The following COL17A1 variants were observed in gnomAD, a reference collection of about 807,000 sequenced individuals.
COL17A1 encodes the protein collagen alpha-1(XVII) chain.
In COL17A1, 181 loss-of-function variants were observed where a neutral mutation model predicts 218.4. The observed-to-expected ratio is 0.83, with a 90% CI of 0.73 to 0.94. COL17A1 has a LOEUF of 0.94. Among genes scored for constraint, COL17A1 ranks in the 40% least tolerant of loss-of-function variants. The pLI, the probability that COL17A1 is intolerant of heterozygous loss-of-function variation, is 0.00. For missense variants in COL17A1, 1,924 were observed against 1,945.9 expected, an observed-to-expected ratio of 0.99 and a Z score of 0.21; for synonymous variants, 721 against 731.0, an observed-to-expected ratio of 0.99 and a Z score of 0.22.
In COL17A1 at chr10:104,039,293, C is replaced by T. The variant is rs1286524710; in HGVS notation, c.2896+152G>A. On this transcript the variant is annotated intron_variant, in intron 43 of 55. Coordinates refer to ENST00000648076, the MANE Select transcript of COL17A1 (RefSeq NM_000494.4). ...GAGGCTATATCACCATGTCCTTGTCCCTTCCACCCTCTGGCCTTTCCTTCC... is the reference window on the plus strand; with the variant it reads ...GAGGCTATATCACCATGTCCTTGTCTCTTCCACCCTCTGGCCTTTCCTTCC... 4 of 1,041,122 alleles carry T rather than the reference C, an allele frequency of 3.8e-6. No homozygotes were observed. The African/African-American group carries it at 4.7e-5, about 12-fold the overall frequency. 64.5% of individuals were successfully genotyped at this position (1,041,122 alleles called of 1,614,324 possible). A position where few individuals can be genotyped will look rare whatever the true frequency, so the allele number is the denominator to read the frequency against.
intron 48 of COL17A1, among the ~76,000 whole-genome samples, chr10:104,036,197 TGTATGGGAGTGTGA>T (rs2086296334): frequency 8.3e-6 from 1 of 120,794 alleles, no homozygotes. Context: ...AGTGTGTGTG[TGTATGGGAGTGTGA>T]GTATGGGTGT....
At chr10:104,057,919 T>G (rs1054409194) in intron 16 of COL17A1, among the ~76,000 whole-genome samples, 2 of 152,172 alleles carry the variant, frequency 1.3e-5, no homozygotes, top group African/African-American at 4.8e-5. Flanking sequence ...GGGGGGCCTG[T>G]TAGCTTCATC....
At chr10:104,043,759 A>G in intron 34 of COL17A1, 66 bp downstream of exon 34, 8 of 1,590,670 alleles carry the variant, frequency 5.0e-6, no homozygotes, top group Non-Finnish European at 6.9e-6. Context: ...AGAACGCTGC[A>G]GAGTCAAGGT....
At chr10:104,076,876 C>T (rs2086715574) in intron 4 of COL17A1, among the ~76,000 whole-genome samples, 2 of 152,100 alleles carry the variant, frequency 1.3e-5, no homozygotes. Flanking sequence ...CCTTGCTTTG[C>T]TTTGTTTTGT....
At chr10:104,064,314 T>C (rs2086607623) in intron 10 of COL17A1, 124 bp downstream of exon 10, 19 of 1,497,658 alleles carry the variant, frequency 1.3e-5, no homozygotes, top group African/African-American at 2.8e-5. Context: ...CCTGGGATGT[T>C]TGGCCACAGA....
intron 29 of COL17A1, 45 bp downstream of exon 29, chr10:104,049,364 C>G: frequency 6.3e-7 from 1 of 1,587,664 alleles, no homozygotes. Flanking sequence ...CGTGGTGACC[C>G]CTCAGATGGG....
intron 33 of COL17A1, 120 bp from the exon 34 acceptor site, chr10:104,043,980 C>A (rs2086386013): frequency 9.2e-7 from 1 of 1,083,430 alleles, no homozygotes; most frequent in Non-Finnish European, 1.4e-6. Flanking sequence ...CACCATCAGG[C>A]TAAAGGCATT....
At chr10:104,067,908 A>G (rs2086640467) in intron 9 of COL17A1, among the ~76,000 whole-genome samples, 1 of 152,226 alleles carries the variant, frequency 6.6e-6, no homozygotes, top group African/African-American at 2.4e-5. Flanking sequence ...GATCAAAGAC[A>G]CAGAAGGTGA....
chr10:104,050,887 G>C lies in COL17A1; in HGVS notation c.2053C>G (p.Gln685Glu). 1 of 1,614,138 alleles carries C rather than the reference G, an allele frequency of 6.2e-7. No individual in the cohort carries two copies. Among genetic ancestry groups the C allele is most frequent in the South Asian group, 1.1e-5 (1 of 91,084 alleles). The change falls in exon 26 of 56, where the codon CAA becomes GAA. Residue 685 changes from glutamine (Q) to glutamate (E), a missense_variant. By Grantham distance (29) the Gln-to-Glu change is conservative (BLOSUM62 2). Coordinates refer to ENST00000648076, the MANE Select transcript of COL17A1 (RefSeq NM_000494.4). ...AGTCCTACTTCACCTCGGAGCCCTTGGAGACCTACAGGACCTGCCCGGCAG... is the reference window on the plus strand; with the variant it reads ...AGTCCTACTTCACCTCGGAGCCCTTCGAGACCTACAGGACCTGCCCGGCAG... The part of the protein sequence containing the change: ...PQGPPGPVGL[Q>E]GLRGEVGLPG...
intron 9 of COL17A1, among the ~76,000 whole-genome samples, chr10:104,065,430 A>G (rs11191911): frequency 0.01 from 1,585 of 152,276 alleles, 18 homozygotes; most frequent in Non-Finnish European, 0.014. Context: ...GGGGACATGT[A>G]ATATGGAACA....
intron 10 of COL17A1, among the ~76,000 whole-genome samples, chr10:104,064,059 G>A (rs906852717): frequency 6.6e-6 from 1 of 152,232 alleles, no homozygotes; most frequent in Admixed American, 6.5e-5. Flanking sequence ...AGTGGACAGT[G>A]GGTCCAGCCA....
At position 104,042,463 on chromosome 10, in the gene COL17A1, C is replaced by T. The variant is rs369395710; in HGVS notation, c.2516-8G>A. On this transcript the variant is annotated splice_region_variant and splice_polypyrimidine_tract_variant and intron_variant, in intron 35 of 55. Transcript: ENST00000648076. ...CAGCTGGGCCGGCAGGGCCTGGAAACGGGGTTGAGGAAGAAAAGGCTAAAT... is the reference window on the plus strand; with the variant it reads ...CAGCTGGGCCGGCAGGGCCTGGAAATGGGGTTGAGGAAGAAAAGGCTAAAT... The T allele has an allele frequency of 2.4e-5, 39 of 1,613,934 alleles. No homozygotes were observed. Among genetic ancestry groups the T allele is most frequent in the African/African-American group, 1.6e-4 (12 of 74,882 alleles).
chr10:104,073,737 G>A (rs2086686402), intron 6 of COL17A1, among the ~76,000 whole-genome samples: 1 of 152,206 alleles, frequency 6.6e-6, no homozygotes, highest in Non-Finnish European at 1.5e-5. Context: ...TTAAGGCCAA[G>A]TGAAGACACA....
chr10:104,045,658 A>G (rs970991517), intron 33 of COL17A1, 100 bp downstream of exon 33: 5 of 1,029,356 alleles, frequency 4.9e-6, no homozygotes, highest in Non-Finnish European at 6.1e-6. Context: ...GCCACTGTTG[A>G]TCCAGGCTCT....
At position 104,075,521 on chromosome 10, in the gene COL17A1, C is replaced by G. The variant is rs150441825; in HGVS notation, c.331+780G>C. ...CCAACCTGGTCCCAGCCAAAATGTC[C>G]CTTCTCTGGATGACCGAGGATTTCT... On this transcript the variant is annotated intron_variant, in intron 5 of 55. Transcript: ENST00000648076. Among the ~76,000 whole-genome samples, 21 of 152,314 alleles carry G rather than the reference C, an allele frequency of 1.4e-4. No homozygotes were observed. In the East Asian group the frequency reaches 4.0e-3, roughly 29 times the overall value.
intron 1 of COL17A1, among the ~76,000 whole-genome samples, chr10:104,085,110 C>T (rs554308032): frequency 6.6e-5 from 10 of 152,156 alleles, no homozygotes; most frequent in African/African-American, 2.2e-4. Context: ...TTTTTTATTC[C>T]TCTAAGTTTG....
chr10:104,042,743 G>A (rs2086372729), intron 35 of COL17A1, among the ~76,000 whole-genome samples: 1 of 152,244 alleles, frequency 6.6e-6, no homozygotes, highest in South Asian at 2.1e-4. Flanking sequence ...GAGCTTGTCA[G>A]GAGGGAAGGC....
intron 6 of COL17A1, 162 bp downstream of exon 6, chr10:104,074,022 T>C (rs1204108691): frequency 3.7e-6 from 4 of 1,087,148 alleles, no homozygotes; most frequent in Non-Finnish European, 5.6e-6. Context: ...TTAATATGCT[T>C]CAGGATAAAA....
chr10:104,080,203 G>T (rs1251981423), intron 2 of COL17A1, among the ~76,000 whole-genome samples: 1 of 152,056 alleles, frequency 6.6e-6, no homozygotes, highest in Non-Finnish European at 1.5e-5. Flanking sequence ...TTTATTATTT[G>T]GGCAGTTCCA....
Sources: gnomAD v4.1 joint callset for allele counts (sites outside exome capture counted in the v4.1 genomes callset) on GRCh38, gnomAD v4.1.1 for gene constraint, MANE v1.5 for transcripts, NCBI Gene and HGNC (gene_info 2026-07-23, HGNC 2026-07-21) for gene names.